CTNNA2: variants seen among roughly 807,000 people sequenced by gnomAD.
The protein encoded by CTNNA2 is catenin alpha 2, also known as catenin alpha-2.
In CTNNA2, 42 loss-of-function variants were observed where a neutral mutation model predicts 101.0. That is an observed-to-expected ratio of 0.42 (90% CI 0.32 to 0.54). CTNNA2 has a LOEUF of 0.54. Among genes scored for constraint, CTNNA2 ranks in the 20% least tolerant of loss-of-function variants. CTNNA2 has a pLI of 0.14. For missense variants in CTNNA2, 871 were observed against 1,223.1 expected (o/e 0.71, Z 4.29); for synonymous variants, 450 against 456.4 (o/e 0.99, Z 0.18).
intron 4 of CTNNA2, among the ~76,000 whole-genome samples, chr2:79,501,528 T>C (rs1671319631): frequency 6.6e-6 from 1 of 152,224 alleles, no homozygotes; most frequent in Non-Finnish European, 1.5e-5. Flanking sequence ...TGATGACTAC[T>C]AAAGACTGTG....
intron 3 of CTNNA2, among the ~76,000 whole-genome samples, chr2:79,367,196 G>GCC (rs756375773): frequency 7.9e-5 from 12 of 152,150 alleles, no homozygotes; most frequent in Non-Finnish European, 1.3e-4. Context: ...AAGGAGGCTG[G>GCC]CCATCCAAAA....
chr2:79,281,965 T>C (rs1256766796), intron 2 of CTNNA2, among the ~76,000 whole-genome samples: 1 of 152,192 alleles, frequency 6.6e-6, no homozygotes, highest in South Asian at 2.1e-4. Context: ...AATGTGTGGC[T>C]TTACAAATTA....
intron 1 of CTNNA2, chr2:79,523,322 G>C (rs749097431): frequency 1.7e-4 from 69 of 414,876 alleles, no homozygotes; most frequent in South Asian, 1.1e-3. Flanking sequence ...TTGTGTAGCT[G>C]TGTATATACA....
At chr2:79,889,438 C>A (rs1382740619) in intron 6 of CTNNA2, among the ~76,000 whole-genome samples, 1 of 152,172 alleles carries the variant, frequency 6.6e-6, no homozygotes, top group African/African-American at 2.4e-5. Context: ...AGGCACCCAA[C>A]ATAACTGAGA....
At chr2:80,552,017 C>T (rs1046402182) in intron 11 of CTNNA2, among the ~76,000 whole-genome samples, 1 of 151,910 alleles carries the variant, frequency 6.6e-6, no homozygotes, top group African/African-American at 2.4e-5. Flanking sequence ...TGTTGCGTCT[C>T]AGGGAATAAG....
chr2:79,858,442 T>G (rs1681316622), intron 4 of CTNNA2, among the ~76,000 whole-genome samples: 1 of 152,208 alleles, frequency 6.6e-6, no homozygotes, highest in Admixed American at 6.5e-5. Context: ...TCCTGGAATG[T>G]GTAACAGTAC....
chr2:79,294,104 AT>A (rs1266857191), intron 2 of CTNNA2, among the ~76,000 whole-genome samples: 3 of 151,968 alleles, frequency 2.0e-5, no homozygotes, highest in African/African-American at 4.8e-5. Context: ...GAAGTCCAAG[AT>A]TAAGGTGCCA....
chr2:80,342,005 A>G (rs1454860932), intron 7 of CTNNA2, among the ~76,000 whole-genome samples: 2 of 152,366 alleles, frequency 1.3e-5, no homozygotes, highest in East Asian at 3.9e-4. Context: ...AAAGGAAGAT[A>G]GTCACAAAAG....
intron 2 of CTNNA2, among the ~76,000 whole-genome samples, chr2:79,226,327 T>C (rs76093289): frequency 0.026 from 3,936 of 152,306 alleles, 120 homozygotes; most frequent in East Asian, 0.084. Context: ...CTTTCTCATC[T>C]ATAAAACTGG....
chr2:79,231,441 T>C (rs377393821), intron 2 of CTNNA2, among the ~76,000 whole-genome samples: 1 of 152,344 alleles, frequency 6.6e-6, no homozygotes, highest in South Asian at 2.1e-4. Flanking sequence ...TCCCCAGCCA[T>C]GTAGAACTGT....
chr2:80,423,036 A>G (rs1261367543), intron 9 of CTNNA2, among the ~76,000 whole-genome samples: 2 of 152,134 alleles, frequency 1.3e-5, no homozygotes, highest in Non-Finnish European at 2.9e-5. Context: ...AAGGATCTGC[A>G]GTACGGTTTC....
chr2:79,615,830 G>A (rs186678800), intron 1 of CTNNA2, among the ~76,000 whole-genome samples: 42 of 152,284 alleles, frequency 2.8e-4, no homozygotes, highest in Non-Finnish European at 2.4e-4. Context: ...GTGTGTGTTT[G>A]TATGTGCGTG....
intron 7 of CTNNA2, chr2:80,163,024 G>A: frequency 6.4e-7 from 1 of 1,562,080 alleles, no homozygotes; most frequent in South Asian, 1.1e-5. Flanking sequence ...CTTCCATAAA[G>A]TTTGATTCCA....
intron 2 of CTNNA2, among the ~76,000 whole-genome samples, chr2:79,229,423 G>C (rs536328211): frequency 6.6e-6 from 1 of 152,094 alleles, no homozygotes. Flanking sequence ...AGGGGTTTCC[G>C]CTTTTGTTTC....
intron 9 of CTNNA2, among the ~76,000 whole-genome samples, chr2:80,543,356 T>G (rs1691746949): frequency 6.6e-6 from 1 of 152,226 alleles, no homozygotes; most frequent in South Asian, 2.1e-4. Context: ...ATGGTCCTAA[T>G]GAGGCATATG....
intron 7 of CTNNA2, among the ~76,000 whole-genome samples, chr2:80,114,496 A>G (rs1353223995): frequency 6.6e-6 from 1 of 152,176 alleles, no homozygotes; most frequent in African/African-American, 2.4e-5. Flanking sequence ...GGCCATACCC[A>G]CTGGCCATAT....
chr2:80,324,954 T>A (rs1044810594), intron 7 of CTNNA2, among the ~76,000 whole-genome samples: 28 of 152,182 alleles, frequency 1.8e-4, no homozygotes, highest in African/African-American at 6.8e-4. Context: ...TCATAGCACC[T>A]GCTTTCATGT....
At chr2:79,522,547 T>A (rs928929543) in intron 1 of CTNNA2, among the ~76,000 whole-genome samples, 1 of 152,150 alleles carries the variant, frequency 6.6e-6, no homozygotes, top group Non-Finnish European at 1.5e-5. Context: ...AATCAGCAAC[T>A]TTGCTTCAGC....
chr2:79,435,960 G>C (rs112842418), intron 4 of CTNNA2, among the ~76,000 whole-genome samples: 119 of 152,292 alleles, frequency 7.8e-4, no homozygotes, highest in Non-Finnish European at 1.5e-3. Context: ...AGCTGGACTA[G>C]AAAGTCTGAA....
Sources: allele counts gnomAD v4.1 joint callset (sites outside exome capture counted in the v4.1 genomes callset), GRCh38; gene constraint gnomAD v4.1.1; transcripts MANE v1.5; gene names NCBI Gene and HGNC (gene_info 2026-07-23, HGNC 2026-07-21).